TENM2: variants seen among roughly 807,000 people sequenced by gnomAD.
The protein encoded by TENM2 is teneurin transmembrane protein 2.
Under a neutral mutation model 245.2 loss-of-function variants are expected in TENM2, and 52 were observed. The observed-to-expected ratio is 0.21, with a 90% CI of 0.17 to 0.27. TENM2 has a LOEUF of 0.27. Among genes scored for constraint, TENM2 ranks in the 10% least tolerant of loss-of-function variants. The pLI, the probability that TENM2 is intolerant of heterozygous loss-of-function variation, is 1.00. For synonymous variants in TENM2, 1,363 were observed against 1,438.9 expected, an observed-to-expected ratio of 0.95 and a Z score of 1.19; for missense variants, 3,046 against 3,666.8, an observed-to-expected ratio of 0.83 and a Z score of 4.37.
At position 168,229,048 on chromosome 5, in the gene TENM2, CATATATAATTA is replaced by C. The variant is rs1003723261; in HGVS notation, c.5520+921_5520+931del. Among the ~76,000 whole-genome samples, 31 of 147,352 alleles carry C rather than the reference CATATATAATTA, an allele frequency of 2.1e-4. 1 individual carries two copies. Among genetic ancestry groups the C allele is most frequent in the Middle Eastern group, 7.2e-3 (2 of 276 alleles). On this transcript the variant is annotated intron_variant, in intron 25 of 28. Coordinates refer to ENST00000518659, the Ensembl canonical transcript of TENM2. ...ATATACATTACATTATATATAATTACATATATAATTAATGTATAATTATATGTATAATTATA... is the reference window on the plus strand; with the variant it reads ...ATATACATTACATTATATATAATTACATGTATAATTATATGTATAATTATA...
chr5:167,845,510 A>G (rs1470263722), intron 2 of TENM2, among the ~76,000 whole-genome samples: 2 of 152,256 alleles, frequency 1.3e-5, no homozygotes, highest in East Asian at 3.9e-4. Flanking sequence ...TGATTTCCAT[A>G]TTACTTTGTA....
chr5:167,526,183 A>G (rs1582290654), intron 2 of TENM2, among the ~76,000 whole-genome samples: 1 of 152,166 alleles, frequency 6.6e-6, no homozygotes, highest in East Asian at 1.9e-4. Context: ...GCCTTCATGA[A>G]CAGCAAAAAG....
chr5:167,742,479 G>C (rs960171640), intron 2 of TENM2, among the ~76,000 whole-genome samples: 6 of 151,510 alleles, frequency 4.0e-5, no homozygotes, highest in Admixed American at 2.6e-4. Context: ...ATTTTTTCTT[G>C]CTGTGTATAT....
At chr5:167,526,183 A>C in intron 2 of TENM2, among the ~76,000 whole-genome samples, 1 of 152,048 alleles carries the variant, frequency 6.6e-6, no homozygotes, top group East Asian at 1.9e-4. Flanking sequence ...GCCTTCATGA[A>C]CAGCAAAAAG....
intron 2 of TENM2, among the ~76,000 whole-genome samples, chr5:167,706,052 T>C (rs1758497248): frequency 6.9e-6 from 1 of 145,404 alleles, no homozygotes; most frequent in East Asian, 2.0e-4. Context: ...TATTATACAA[T>C]ATATATTTAT....
chr5:167,753,653 C>G (rs1279888509), intron 2 of TENM2, among the ~76,000 whole-genome samples: 1 of 152,162 alleles, frequency 6.6e-6, no homozygotes, highest in Non-Finnish European at 1.5e-5. Flanking sequence ...TGCCTAAAAT[C>G]ACACAGTTAG....
rs78440319 is a variant in TENM2, at chr5:167,795,244, A to G, written c.503-80742A>G. ...AGTAATCTCACTGAAGTATGGTTGT[A>G]GAAAGATTAATGTGGTCAAAATGTG... On this transcript the variant is annotated intron_variant, in intron 2 of 28. Transcript: ENST00000518659. 2.4e-3 allele frequency among the ~76,000 whole-genome samples: 369 copies of G among 152,292 alleles called. 7 individuals are homozygous for G. The East Asian group carries it at 0.041, about 17-fold the overall frequency.
intron 1 of TENM2, among the ~76,000 whole-genome samples, chr5:167,285,307 T>C (rs543006383): frequency 6.6e-6 from 1 of 152,322 alleles, no homozygotes; most frequent in Admixed American, 6.5e-5. Context: ...CAAATTTCTA[T>C]TCCTTTTCCC....
At chr5:167,494,335 G>C (rs11134464) in intron 2 of TENM2, among the ~76,000 whole-genome samples, 31,539 of 152,106 alleles carry the variant, frequency 0.21, 3,285 homozygotes, top group East Asian at 0.35. Context: ...AGGGTTGAAA[G>C]GTTTAAAATT....
At chr5:167,785,139 A>G (rs1010555130) in intron 2 of TENM2, among the ~76,000 whole-genome samples, 2 of 152,232 alleles carry the variant, frequency 1.3e-5, no homozygotes, top group South Asian at 2.1e-4. Flanking sequence ...CAAGGCATGT[A>G]TGTATAGAGA....
the TENM2 span, among the ~76,000 whole-genome samples, chr5:167,171,390 A>T: frequency 6.6e-6 from 1 of 152,156 alleles, no homozygotes; most frequent in African/African-American, 2.4e-5. Flanking sequence ...ACTCACTCTA[A>T]TGCTTATTTA....
At chr5:168,003,636 T>C (rs957266360) in intron 5 of TENM2, among the ~76,000 whole-genome samples, 2 of 152,128 alleles carry the variant, frequency 1.3e-5, no homozygotes, top group East Asian at 3.8e-4. Context: ...ACCAAGGTAA[T>C]GAGATGAAAA....
chr5:167,158,045 A>T, the TENM2 span, among the ~76,000 whole-genome samples: 2 of 152,130 alleles, frequency 1.3e-5, no homozygotes, highest in African/African-American at 2.4e-5. Context: ...TCTTTTTTTA[A>T]CTTTGAAAAT....
chr5:167,430,511 G>A (rs915095738), intron 2 of TENM2, among the ~76,000 whole-genome samples: 4 of 152,032 alleles, frequency 2.6e-5, no homozygotes, highest in Non-Finnish European at 5.9e-5. Flanking sequence ...CCTGGCATTT[G>A]GGCTTCCGGA....
intron 2 of TENM2, among the ~76,000 whole-genome samples, chr5:167,624,360 C>T (rs1172385863): frequency 6.6e-6 from 1 of 152,032 alleles, no homozygotes; most frequent in African/African-American, 2.4e-5. Context: ...TAATTGAGAG[C>T]TAAACATTGG....
rs111720719 is a variant in TENM2, at chr5:168,253,624, A to G, written c.7432+5253A>G. On this transcript the variant is annotated intron_variant, in intron 27 of 28. Coordinates refer to ENST00000518659, the Ensembl canonical transcript of TENM2. ...GTATTTTTAGTAGAGACGGGGTTTC[A>G]CCGTGTTAGCCAGGATGGTCTCGAT... Among the ~76,000 whole-genome samples the G allele has an allele frequency of 8.2e-3, 1,239 of 151,806 alleles. 8 individuals are homozygous for G. The highest frequency in any genetic ancestry group is 0.012 in the Non-Finnish European group (785 of 67,920).
chr5:167,052,235 C>T, the TENM2 span, among the ~76,000 whole-genome samples: 1 of 152,068 alleles, frequency 6.6e-6, no homozygotes, highest in African/African-American at 2.4e-5. Context: ...ATTGCACTAA[C>T]ATTTATGATT....
intron 7 of TENM2, among the ~76,000 whole-genome samples, chr5:168,081,571 G>T (rs1177970138): frequency 1.3e-5 from 2 of 152,168 alleles, no homozygotes; most frequent in Non-Finnish European, 2.9e-5. Flanking sequence ...GCTTGTACTG[G>T]TTGTTCCTTT....
the TENM2 span, among the ~76,000 whole-genome samples, chr5:167,088,652 A>G: frequency 6.6e-6 from 1 of 151,882 alleles, no homozygotes; most frequent in Non-Finnish European, 1.5e-5. Flanking sequence ...GAAAAAAGAA[A>G]AAAAAACAGT....
Sources: allele counts gnomAD v4.1 joint callset (sites outside exome capture counted in the v4.1 genomes callset), GRCh38; gene constraint gnomAD v4.1.1; transcripts MANE v1.5; gene names NCBI Gene and HGNC (gene_info 2026-07-23, HGNC 2026-07-21).